The following DCUN1D3 variants were observed in gnomAD, a reference collection of about 807,000 sequenced individuals.
The protein encoded by DCUN1D3 is defective in cullin neddylation 1 domain containing 3.
A neutral mutation model predicts 24.8 loss-of-function variants in DCUN1D3; 6 were observed. The ratio of observed to expected loss-of-function variants is 0.24; its 90% CI spans 0.13 to 0.48. The LOEUF is 0.48. Among genes scored for constraint, DCUN1D3 ranks in the 20% least tolerant of loss-of-function variants. The pLI, the probability that DCUN1D3 is intolerant of heterozygous loss-of-function variation, is 0.99. For synonymous variants in DCUN1D3, 120 were observed against 144.9 expected, an observed-to-expected ratio of 0.83 and a Z score of 1.24; for missense variants, 258 against 379.4, an observed-to-expected ratio of 0.68 and a Z score of 2.66.
chr16:20,861,486 C>G (rs1246683968), intron 2 of DCUN1D3, among the ~76,000 whole-genome samples: 1 of 152,060 alleles, frequency 6.6e-6, no homozygotes, highest in African/African-American at 2.4e-5. Flanking sequence ...CCCAGAGGCA[C>G]TTACTATATT....
chr16:20,893,497 C>G (rs2081901540), intron 1 of DCUN1D3, among the ~76,000 whole-genome samples: 1 of 152,174 alleles, frequency 6.6e-6, no homozygotes, highest in Non-Finnish European at 1.5e-5. Context: ...TTCTTGATTT[C>G]TGTTTTCCCA....
Position 20,892,271 on chromosome 16 carries a change from T to C in DCUN1D3, c.-106+7933A>G, listed in dbSNP as rs1414767799. 2.6e-5 allele frequency among the ~76,000 whole-genome samples: 4 copies of C among 152,172 alleles called. No homozygotes were observed. The East Asian group carries it at 7.7e-4, about 29-fold the overall frequency. On this transcript the variant is annotated intron_variant, in intron 1 of 2. Transcript: ENST00000324344. ...CATTCTCAAAAGTAGACACACAGCA[T>C]TCACTCTATCACTCCTCACTCTCTA...
intron 1 of DCUN1D3, 114 bp from the exon 2 acceptor site, chr16:20,862,757 A>G (rs2081740241): frequency 6.8e-6 from 7 of 1,029,010 alleles, no homozygotes; most frequent in African/African-American, 1.6e-5. Flanking sequence ...ACAACGAACC[A>G]TGGGAGAGAC....
intron 1 of DCUN1D3, among the ~76,000 whole-genome samples, chr16:20,882,393 C>T (rs1183358347): frequency 1.3e-5 from 2 of 151,884 alleles, no homozygotes; most frequent in Non-Finnish European, 2.9e-5. Context: ...GCTGGGATTA[C>T]AGGCATGTGC....
At chr16:20,872,656 G>C (rs377226260) in intron 1 of DCUN1D3, among the ~76,000 whole-genome samples, 32 of 151,978 alleles carry the variant, frequency 2.1e-4, no homozygotes, top group African/African-American at 6.7e-4. Flanking sequence ...GAGGTCACTA[G>C]ACTCTCTTTC....
At chr16:20,895,141 G>A (rs2081909615) in intron 1 of DCUN1D3, among the ~76,000 whole-genome samples, 1 of 152,156 alleles carries the variant, frequency 6.6e-6, no homozygotes, top group African/African-American at 2.4e-5. Context: ...TGTCACCTAG[G>A]CTGGAGTGCA....
chr16:20,887,136 C>A lies in DCUN1D3; in HGVS notation c.-106+13068G>T, dbSNP rs191378908. Among the ~76,000 whole-genome samples the A allele has an allele frequency of 1.4e-3, 207 of 152,122 alleles. 1 individual carries two copies. The highest frequency in any genetic ancestry group is 1.1e-3 in the Non-Finnish European group (72 of 67,986). On this transcript the variant is annotated intron_variant, in intron 1 of 2. Transcript: ENST00000324344. The stretch of plus-strand genomic sequence containing the variant: ...CAAGACCAGCCTGGCCAACATGGTG[C>A]AACCCTGTTACAAAAATTAGCAGGG...
At chr16:20,882,096 C>T (rs920476218) in intron 1 of DCUN1D3, among the ~76,000 whole-genome samples, 3 of 151,954 alleles carry the variant, frequency 2.0e-5, no homozygotes, top group Non-Finnish European at 4.4e-5. Context: ...CCACCGTGCC[C>T]GGCCTAGTCT....
intron 1 of DCUN1D3, among the ~76,000 whole-genome samples, chr16:20,879,872 C>G (rs1256803152): frequency 1.3e-5 from 2 of 152,204 alleles, no homozygotes; most frequent in Admixed American, 1.3e-4. Flanking sequence ...CATTATCCAC[C>G]ACTGCTCAGC....
At chr16:20,874,277 A>G (rs1169285709) in intron 1 of DCUN1D3, among the ~76,000 whole-genome samples, 2 of 152,238 alleles carry the variant, frequency 1.3e-5, no homozygotes, top group Admixed American at 1.3e-4. Context: ...TCCCAAGTTC[A>G]TGAAAGCTGT....
At chr16:20,886,165 T>C (rs927835054) in intron 1 of DCUN1D3, among the ~76,000 whole-genome samples, 5 of 152,160 alleles carry the variant, frequency 3.3e-5, no homozygotes, top group African/African-American at 1.2e-4. Context: ...AAAAGAAATT[T>C]GTCAATTTGC....
chr16:20,884,527 A>C, intron 1 of DCUN1D3, among the ~76,000 whole-genome samples: 1 of 152,194 alleles, frequency 6.6e-6, no homozygotes, highest in East Asian at 1.9e-4. Flanking sequence ...TGGTCTTATA[A>C]TTGTATATCC....
chr16:20,876,915 G>A (rs1349648826), intron 1 of DCUN1D3, among the ~76,000 whole-genome samples: 1 of 152,198 alleles, frequency 6.6e-6, no homozygotes, highest in African/African-American at 2.4e-5. Flanking sequence ...GGAAGAGAGA[G>A]ACAGTTATCT....
Position 20,862,209 on chromosome 16 carries a change from G to A in DCUN1D3, c.330C>T (p.Gly110=). Reference sequence around the variant, plus strand: ...ACAGGTCATTGCAAAAGCGCTCCATGCCTTCCTCCAAAATTGCATCTTCCC... The same window carrying A: ...ACAGGTCATTGCAAAAGCGCTCCATACCTTCCTCCAAAATTGCATCTTCCC... ...DEREDAILEE[G]MERFCNDLCV... is the part of the protein sequence containing the mutation. The change falls in exon 2 of 3, where the codon GGC becomes GGT. Residue 110 remains glycine (G), a synonymous_variant. Coordinates refer to ENST00000324344, the MANE Select transcript of DCUN1D3 (RefSeq NM_173475.4). 6.2e-7 allele frequency: 1 copy of A among 1,614,208 alleles called. No individual in the cohort carries two copies. The highest frequency in any genetic ancestry group is 8.5e-7 in the Non-Finnish European group (1 of 1,180,032).
At chr16:20,873,657 G>A (rs2081800522) in intron 1 of DCUN1D3, among the ~76,000 whole-genome samples, 1 of 152,158 alleles carries the variant, frequency 6.6e-6, no homozygotes, top group Non-Finnish European at 1.5e-5. Context: ...CGGCCATATG[G>A]CTGGGTGGGG....
intron 1 of DCUN1D3, among the ~76,000 whole-genome samples, chr16:20,897,182 T>C (rs942841538): frequency 6.6e-6 from 1 of 152,206 alleles, no homozygotes; most frequent in African/African-American, 2.4e-5. Flanking sequence ...CACTAGTCAC[T>C]GTTGTAGGGT....
chr16:20,895,857 TACC>T (rs1290111546), intron 1 of DCUN1D3, among the ~76,000 whole-genome samples: 2 of 152,198 alleles, frequency 1.3e-5, no homozygotes, highest in Non-Finnish European at 2.9e-5. Context: ...AAACAGGAGT[TACC>T]ACGTCATTAC....
At position 20,855,781 on chromosome 16, in the gene DCUN1D3, AAC is replaced by A. The variant is rs1222720025; in HGVS notation, c.*4103_*4104del. On this transcript the variant is annotated 3_prime_UTR_variant, in exon 3 of 3. Coordinates refer to ENST00000324344, the MANE Select transcript of DCUN1D3 (RefSeq NM_173475.4). Reference sequence around the variant, plus strand: ...CGGAACCTTCTTTATATGATCAGAAAACACACTGTGGAATAAGAGGAGGATCA... The same window carrying A: ...CGGAACCTTCTTTATATGATCAGAAAACACTGTGGAATAAGAGGAGGATCA... 2 of 152,246 alleles carry A rather than the reference AAC, an allele frequency of 1.3e-5. No homozygotes were observed. Among genetic ancestry groups the A allele is most frequent in the Admixed American group, 6.5e-5 (1 of 15,276 alleles). The allele number at this position is 152,246 out of a possible 1,614,324, so 9.4% of individuals were successfully genotyped here. A position where few individuals can be genotyped will look rare whatever the true frequency, so the allele number is the denominator to read the frequency against.
At chr16:20,875,781 G>A (rs1238751888) in intron 1 of DCUN1D3, among the ~76,000 whole-genome samples, 1 of 151,844 alleles carries the variant, frequency 6.6e-6, no homozygotes, top group Non-Finnish European at 1.5e-5. Context: ...GACAAATGGG[G>A]TTATATCAAG....
Sources: gnomAD v4.1 joint callset for allele counts (sites outside exome capture counted in the v4.1 genomes callset) on GRCh38, gnomAD v4.1.1 for gene constraint, MANE v1.5 for transcripts, NCBI Gene and HGNC (gene_info 2026-07-23, HGNC 2026-07-21) for gene names.